Variants in EBF1 observed in about 807,000 individuals in gnomAD.
EBF1 encodes transcription factor COE1.
EBF1 carries 10 observed loss-of-function variants against 68.4 expected under a neutral mutation model. The ratio of observed to expected loss-of-function variants is 0.15; its 90% CI spans 0.09 to 0.25. The LOEUF is 0.25. EBF1 is among the 10% of genes least tolerant of loss of function. The pLI is 1.00. For missense variants in EBF1, 509 were observed against 794.4 expected (o/e 0.64, Z 4.32); for synonymous variants, 298 against 299.8 (o/e 0.99, Z 0.06).
intron 6 of EBF1, among the ~76,000 whole-genome samples, chr5:158,952,091 C>T: frequency 6.6e-6 from 1 of 152,190 alleles, no homozygotes; most frequent in East Asian, 1.9e-4. Flanking sequence ...ACAGAGCAAC[C>T]TGAGCTCCAG....
chr5:158,990,190 C>T (rs1461931224), intron 6 of EBF1, among the ~76,000 whole-genome samples: 1 of 152,174 alleles, frequency 6.6e-6, no homozygotes, highest in Non-Finnish European at 1.5e-5. Context: ...CAGAGAAACA[C>T]CACCCTGATA....
At position 159,099,802 on chromosome 5, in the gene EBF1, CT is replaced by C. The variant is rs773725642; in HGVS notation, c.-325del. On this transcript the variant is annotated 5_prime_UTR_variant, in exon 1 of 16. Coordinates refer to ENST00000313708, the MANE Select transcript of EBF1 (RefSeq NM_024007.5). ...GGTTGGTTGATTTTTGGTTTGGGTG[CT>C]TTTTTTTTTTTTTTGCTTTTTTTTT... 729 of 40,718 alleles carry C rather than the reference CT, an allele frequency of 0.018. 11 individuals are homozygous for C. Among genetic ancestry groups the C allele is most frequent in the African/African-American group, 0.061 (638 of 10,454 alleles). 2.5% of individuals were successfully genotyped at this position (40,718 alleles called of 1,614,324 possible). A position where few individuals can be genotyped will look rare whatever the true frequency, so the allele number is the denominator to read the frequency against.
intron 11 of EBF1, among the ~76,000 whole-genome samples, chr5:158,715,266 A>T (rs1760402318): frequency 6.6e-6 from 1 of 152,230 alleles, no homozygotes; most frequent in Non-Finnish European, 1.5e-5. Flanking sequence ...TTTACACAAT[A>T]GATTTCTACA....
chr5:158,894,229 C>T (rs1281459498), intron 6 of EBF1, among the ~76,000 whole-genome samples: 1 of 152,006 alleles, frequency 6.6e-6, no homozygotes, highest in Non-Finnish European at 1.5e-5. Flanking sequence ...TTTCTCTATG[C>T]ATTTCTGATA....
At chr5:158,766,443 G>T (rs571649469) in intron 10 of EBF1, among the ~76,000 whole-genome samples, 1 of 152,112 alleles carries the variant, frequency 6.6e-6, no homozygotes, top group African/African-American at 2.4e-5. Flanking sequence ...TGTAAATGTT[G>T]TAAATTATGT....
chr5:159,076,657 A>G (rs531209372), intron 5 of EBF1, among the ~76,000 whole-genome samples: 24 of 152,350 alleles, frequency 1.6e-4, no homozygotes, highest in African/African-American at 5.3e-4. Flanking sequence ...AGTATGAAAA[A>G]TAAGCCCAAC....
chr5:158,779,079 T>A (rs2127685710), intron 9 of EBF1, among the ~76,000 whole-genome samples: 1 of 152,266 alleles, frequency 6.6e-6, no homozygotes, highest in East Asian at 1.9e-4. Context: ...TGAAAGATGA[T>A]CTTCCCCAAA....
At chr5:159,045,408 T>A (rs1019954575) in intron 6 of EBF1, among the ~76,000 whole-genome samples, 1 of 149,054 alleles carries the variant, frequency 6.7e-6, no homozygotes, top group Non-Finnish European at 1.5e-5. Context: ...AAAATGAATT[T>A]TTTTTTCCCC....
rs115180554 is a variant in EBF1 at position 159,014,287 on chromosome 5, A to G, written c.554+59109T>C. 3.6e-3 allele frequency among the ~76,000 whole-genome samples: 553 copies of G among 152,374 alleles called. 3 individuals carry two copies. The highest frequency in any genetic ancestry group is 0.012 in the African/African-American group (506 of 41,594). On this transcript the variant is annotated intron_variant, in intron 6 of 15. Transcript: ENST00000313708. ...GAAAACAGATCACGAAGGAGAAAAT[A>G]TAGAAAGCAAGCATGTTTCTCTAGT...
intron 6 of EBF1, among the ~76,000 whole-genome samples, chr5:158,904,703 C>G (rs1340134468): frequency 6.6e-6 from 1 of 152,290 alleles, no homozygotes; most frequent in African/African-American, 2.4e-5. Context: ...TACCTTTACC[C>G]CTCTCTCCCT....
chr5:159,030,955 C>T (rs560444571), intron 6 of EBF1, among the ~76,000 whole-genome samples: 54 of 152,180 alleles, frequency 3.5e-4, no homozygotes, highest in African/African-American at 1.3e-3. Flanking sequence ...GGCGGATTAC[C>T]TGAGGTTGGG....
At chr5:159,078,800 C>A (rs1030501510) in intron 5 of EBF1, among the ~76,000 whole-genome samples, 1 of 152,300 alleles carries the variant, frequency 6.6e-6, no homozygotes, top group Admixed American at 6.5e-5. Flanking sequence ...GTCTCCCAAA[C>A]AATTCTGCAC....
intron 7 of EBF1, among the ~76,000 whole-genome samples, chr5:158,831,487 T>C (rs1787557297): frequency 6.6e-6 from 1 of 152,076 alleles, no homozygotes; most frequent in African/African-American, 2.4e-5. Context: ...GTTTAGTTCT[T>C]ACTGGGGACA....
intron 4 of EBF1, among the ~76,000 whole-genome samples, chr5:159,088,737 G>T (rs1781139501): frequency 6.6e-6 from 1 of 152,120 alleles, no homozygotes; most frequent in South Asian, 2.1e-4. Flanking sequence ...GACAACACTG[G>T]TTTAAATAAA....
intron 6 of EBF1, among the ~76,000 whole-genome samples, chr5:159,011,637 T>C (rs542321969): frequency 6.6e-6 from 1 of 152,326 alleles, no homozygotes; most frequent in South Asian, 2.1e-4. Flanking sequence ...TTCTAAATAC[T>C]CTTGTTACCT....
chr5:158,748,379 G>A (rs571089645), intron 10 of EBF1, among the ~76,000 whole-genome samples: 3 of 152,280 alleles, frequency 2.0e-5, no homozygotes, highest in East Asian at 1.9e-4. Context: ...CGGATAACAC[G>A]GGTGGAATTC....
intron 8 of EBF1, among the ~76,000 whole-genome samples, chr5:158,809,596 A>C (rs946119445): frequency 2.0e-5 from 3 of 152,192 alleles, no homozygotes; most frequent in African/African-American, 7.2e-5. Flanking sequence ...GAATTACAGT[A>C]AAATCTCTCT....
chr5:158,836,421 CTGT>C (rs1224397299), intron 7 of EBF1, among the ~76,000 whole-genome samples: 1 of 151,696 alleles, frequency 6.6e-6, no homozygotes, highest in Non-Finnish European at 1.5e-5. Context: ...GAATGAGTGA[CTGT>C]TGTTATATAA....
At chr5:159,081,840 G>A (rs926525840) in intron 5 of EBF1, among the ~76,000 whole-genome samples, 2 of 152,050 alleles carry the variant, frequency 1.3e-5, no homozygotes, top group African/African-American at 4.8e-5. Context: ...ATCATGTGTG[G>A]GGCCGTATTA....
Sources: allele counts gnomAD v4.1 joint callset (sites outside exome capture counted in the v4.1 genomes callset), GRCh38; gene constraint gnomAD v4.1.1; transcripts MANE v1.5; gene names NCBI Gene and HGNC (gene_info 2026-07-23, HGNC 2026-07-21).